CDC20B: variants seen among roughly 807,000 people sequenced by gnomAD.
CDC20B encodes cell division cycle protein 20 homolog B.
Under a neutral mutation model 64.1 loss-of-function variants are expected in CDC20B, and 58 were observed. The ratio of observed to expected loss-of-function variants is 0.90; its 90% CI spans 0.73 to 1.13. CDC20B has a LOEUF of 1.13. Among genes scored for constraint, CDC20B ranks in the 50% most tolerant of loss-of-function variants. The pLI is 0.00. For synonymous variants in CDC20B, 243 were observed against 230.6 expected (o/e 1.05, Z -0.49); for missense variants, 597 against 633.0 (o/e 0.94, Z 0.61).
intron 2 of CDC20B, chr5:55,164,627 A>G (rs1186244725): frequency 3.9e-5 from 6 of 153,020 alleles, no homozygotes; most frequent in Non-Finnish European, 4.4e-5. Context: ...ATGCCAACAC[A>G]CTAGACCACT....
At position 55,114,342 on chromosome 5, in the gene CDC20B, T is replaced by TA; in HGVS notation, c.1460-25_1460-24insT. The TA allele has an allele frequency of 6.2e-7, 1 of 1,612,148 alleles. No individual in the cohort carries two copies. The highest frequency in any genetic ancestry group is 1.1e-5 in the South Asian group (1 of 90,784). ...GCCTGGGGGAAGAAGGAAAGACAGT[T>TA]CATACTCCTCCACGTTACATGGGCT... On this transcript the variant is annotated intron_variant, in intron 11 of 11. Transcript: ENST00000381375. This position sits in a 1 kb window ranked among gnomAD's most constrained non-coding sequence, Gnocchi z 4.1.
chr5:55,167,838 TG>T (rs1744465199), intron 2 of CDC20B, among the ~76,000 whole-genome samples: 1 of 152,026 alleles, frequency 6.6e-6, no homozygotes, highest in Non-Finnish European at 1.5e-5. Context: ...AACTCCAGGC[TG>T]GGCAACAGAG....
intron 2 of CDC20B, among the ~76,000 whole-genome samples, chr5:55,156,777 G>A (rs1743820877): frequency 6.6e-6 from 1 of 152,164 alleles, no homozygotes; most frequent in Admixed American, 6.6e-5. Context: ...GGGAGGCTGA[G>A]GCCGGAGAAT....
rs1485565387 is a variant in CDC20B, at chr5:55,114,210, G to A, written c.*8C>T. 1 of 1,612,750 alleles carries A rather than the reference G, an allele frequency of 6.2e-7. No homozygotes were observed. The highest frequency in any genetic ancestry group is 8.5e-7 in the Non-Finnish European group (1 of 1,179,290). On this transcript the variant is annotated 3_prime_UTR_variant, in exon 12 of 12. Transcript: ENST00000381375. The surrounding 1 kb of genome is among the most constrained non-coding windows in gnomAD (Gnocchi z 4.1). ...AATAAGGAAACTGAAACCTAGAGGG[G>A]CTGGGTGCTAGTAGCAATTCCATAC...
At chr5:55,127,760 CACTT>C (rs1179870876) in intron 7 of CDC20B, among the ~76,000 whole-genome samples, 1 of 152,076 alleles carries the variant, frequency 6.6e-6, no homozygotes, top group African/African-American at 2.4e-5. Context: ...TCAGTAATTC[CACTT>C]ACTGCTAAGA....
At chr5:55,171,143 G>A (rs1051818412) in intron 2 of CDC20B, among the ~76,000 whole-genome samples, 10 of 151,998 alleles carry the variant, frequency 6.6e-5, no homozygotes, top group Non-Finnish European at 1.2e-4. Context: ...GTGAAACCCC[G>A]TCTCTATTAA....
chr5:55,170,080 C>T (rs1744545989), intron 2 of CDC20B, among the ~76,000 whole-genome samples: 1 of 151,848 alleles, frequency 6.6e-6, no homozygotes, highest in African/African-American at 2.4e-5. Context: ...CGCCACTGTA[C>T]TCCAGCCTGG....
chr5:55,157,223 G>C (rs192613470), intron 2 of CDC20B, among the ~76,000 whole-genome samples: 4 of 152,254 alleles, frequency 2.6e-5, no homozygotes, highest in Admixed American at 2.6e-4. Flanking sequence ...GTGCCATTTT[G>C]ATATATGTAT....
intron 5 of CDC20B, among the ~76,000 whole-genome samples, 179 bp downstream of exon 5, chr5:55,140,135 G>A (rs1743292440): frequency 6.6e-6 from 1 of 152,172 alleles, no homozygotes; most frequent in African/African-American, 2.4e-5. Flanking sequence ...CACCTATAGA[G>A]AATGGGACTT....
Position 55,128,618 on chromosome 5 carries a change from C to G in CDC20B, c.698-1G>C, listed in dbSNP as rs201143912. The G allele has an allele frequency of 1.3e-6, 2 of 1,539,342 alleles. No homozygotes were observed. Among genetic ancestry groups the G allele is most frequent in the East Asian group, 4.8e-5 (2 of 41,256 alleles). On this transcript the variant is annotated splice_acceptor_variant, in intron 6 of 11. Transcript: ENST00000381375. LOFTEE classifies it high-confidence loss of function. ...AAACTCCAATCTAGGATATTCAGAT[C>G]TATAAGAAAAGCACTTCAAATTAGT...
In CDC20B at chr5:55,120,202, T is replaced by C. The variant is rs201760280; in HGVS notation, c.1341+223A>G. 8.5e-5 allele frequency among the ~76,000 whole-genome samples: 13 copies of C among 152,172 alleles called. No homozygotes were observed. In the East Asian group the frequency reaches 2.5e-3, roughly 29 times the overall value. ...TCAAAGTTCATGGTCAAAGCAGTGA[T>C]GGGGAAAGAAAGGAAATGTGAAAAA... On this transcript the variant is annotated intron_variant, in intron 10 of 11. Coordinates refer to ENST00000381375, the MANE Select transcript of CDC20B (RefSeq NM_001170402.1).
chr5:55,144,927 C>A (rs1033115540), intron 3 of CDC20B, among the ~76,000 whole-genome samples: 5 of 152,180 alleles, frequency 3.3e-5, no homozygotes, highest in Non-Finnish European at 7.3e-5. Flanking sequence ...ACCCCACTAG[C>A]AAAGCACTGA....
chr5:55,160,486 G>A, intron 2 of CDC20B: 1 of 956,320 alleles, frequency 1.0e-6, no homozygotes, highest in Admixed American at 2.3e-5. Flanking sequence ...CTGTTACATG[G>A]TCATAAGTTG....
At chr5:55,128,087 C>T (rs768223172) in intron 7 of CDC20B, among the ~76,000 whole-genome samples, 11 of 152,086 alleles carry the variant, frequency 7.2e-5, no homozygotes, top group Non-Finnish European at 1.0e-4. Flanking sequence ...CTCTTAATCA[C>T]GGCTTCAGGT....
rs1742727951 is a variant in CDC20B at position 55,120,418 on chromosome 5, T to C, written c.1341+7A>G. 1.2e-6 allele frequency: 2 copies of C among 1,613,450 alleles called. No individual in the cohort carries two copies. Reference sequence around the variant, plus strand: ...AAATGAAGATGAAGCCCAGAGGAGATATTAACCTGTGAGTTTGTGCTTGGG... The same window carrying C: ...AAATGAAGATGAAGCCCAGAGGAGACATTAACCTGTGAGTTTGTGCTTGGG... On this transcript the variant is annotated splice_region_variant and intron_variant, in intron 10 of 11. Coordinates refer to ENST00000381375, the MANE Select transcript of CDC20B (RefSeq NM_001170402.1).
At chr5:55,116,048 A>G (rs1472896630) in intron 11 of CDC20B, among the ~76,000 whole-genome samples, 1 of 152,216 alleles carries the variant, frequency 6.6e-6, no homozygotes, top group Admixed American at 6.5e-5. Flanking sequence ...TGGGGATACC[A>G]AATGTATTGC....
chr5:55,119,535 A>C (rs1352974381), intron 11 of CDC20B, among the ~76,000 whole-genome samples: 1 of 152,212 alleles, frequency 6.6e-6, no homozygotes, highest in Non-Finnish European at 1.5e-5. Context: ...ACTCGAGTTC[A>C]AAAACTGCCC....
intron 10 of CDC20B, 60 bp downstream of exon 10, chr5:55,120,365 A>T (rs1303736955): frequency 1.2e-6 from 2 of 1,602,566 alleles, no homozygotes; most frequent in Non-Finnish European, 1.7e-6. Flanking sequence ...TCTGTTGTAA[A>T]CTATTTTCAC....
intron 2 of CDC20B, among the ~76,000 whole-genome samples, chr5:55,148,461 C>T (rs1461567815): frequency 6.6e-6 from 1 of 152,204 alleles, no homozygotes; most frequent in East Asian, 1.9e-4. Flanking sequence ...TGCTTGAAAT[C>T]GTAGCTCTTT....
Sources: gnomAD v4.1 joint callset for allele counts (sites outside exome capture counted in the v4.1 genomes callset) on GRCh38, gnomAD v4.1.1 for gene constraint, Gnocchi (gnomAD v3.1) non-coding constraint, MANE v1.5 for transcripts, NCBI Gene and HGNC (gene_info 2026-07-23, HGNC 2026-07-21) for gene names.